CDK6: variants seen among roughly 807,000 people sequenced by gnomAD.
CDK6 encodes cyclin-dependent kinase 6.
CDK6 carries 6 observed loss-of-function variants against 37.1 expected under a neutral mutation model. The observed-to-expected ratio is 0.16, with a 90% CI of 0.09 to 0.32. The LOEUF is 0.32. Among genes scored for constraint, CDK6 ranks in the 10% least tolerant of loss-of-function variants. The pLI is 1.00. For missense variants in CDK6, 224 were observed against 418.9 expected (o/e 0.53, Z 4.06); for synonymous variants, 160 against 161.3 (o/e 0.99, Z 0.06).
At chr7:92,770,649 G>T (rs1799690230) in intron 3 of CDK6, among the ~76,000 whole-genome samples, 1 of 151,784 alleles carries the variant, frequency 6.6e-6, no homozygotes, top group African/African-American at 2.4e-5. Flanking sequence ...GATCATCATG[G>T]GCTCTTTTCT....
rs112214614 is a variant in CDK6 at position 92,727,595 on chromosome 7, G to A, written c.370-1802C>T. Among the ~76,000 whole-genome samples the A allele has an allele frequency of 4.9e-3, 748 of 152,264 alleles. 5 individuals are homozygous for A. Among genetic ancestry groups the A allele is most frequent in the African/African-American group, 0.017 (717 of 41,546 alleles). On this transcript the variant is annotated intron_variant, in intron 3 of 7. Coordinates refer to ENST00000424848, the MANE Select transcript of CDK6 (RefSeq NM_001145306.2). ...AAGATAAGTGTCCTGATTTCTGGGGGAGACTGATTCACAAACAACTAAAAG... is the reference window on the plus strand; with the variant it reads ...AAGATAAGTGTCCTGATTTCTGGGGAAGACTGATTCACAAACAACTAAAAG...
At chr7:92,754,377 CT>C (rs1230666756) in intron 3 of CDK6, among the ~76,000 whole-genome samples, 2 of 152,296 alleles carry the variant, frequency 1.3e-5, no homozygotes, top group East Asian at 3.9e-4. Context: ...AAAATGGTCT[CT>C]TTTCAGAGGA....
In CDK6 at chr7:92,615,191, C is replaced by T. The variant is rs2116476913; in HGVS notation, c.930G>A (p.Leu310=). 1.2e-6 allele frequency: 2 copies of T among 1,614,118 alleles called. No homozygotes were observed. The highest frequency in any genetic ancestry group is 1.7e-6 in the Non-Finnish European group (2 of 1,180,036). ...FQDLERCKEN[L]DSHLPPSQNT... ...TCTGGCTGGGCGGCAGGTGGGAATC[C>T]AGGTTTTCTTTGCACCTTTCCAGGT... Residue 310 remains leucine, a synonymous_variant, in exon 8 of 8, where the codon CTG becomes CTA. Coordinates refer to ENST00000424848, the MANE Select transcript of CDK6 (RefSeq NM_001145306.2).
rs745530517 is a variant in CDK6 at position 92,833,337 on chromosome 7, C to G, written c.-14G>C. The G allele has an allele frequency of 2.1e-5, 32 of 1,545,944 alleles. No individual in the cohort carries two copies. The Admixed American group carries it at 5.8e-4, about 28-fold the overall frequency. ...GTCCTTCTCCATGCCGCCTGGACGC[C>G]GCCCGCCGCGGCGCCGCTGGGGCGG... On this transcript the variant is annotated 5_prime_UTR_variant, in exon 2 of 8. Transcript: ENST00000424848. The surrounding 1 kb of genome is among the most constrained non-coding windows in gnomAD (Gnocchi z 6.1).
chr7:92,803,205 G>A (rs117898238), intron 2 of CDK6, among the ~76,000 whole-genome samples: 2 of 152,200 alleles, frequency 1.3e-5, no homozygotes, highest in East Asian at 3.9e-4. Flanking sequence ...TTGCAATATG[G>A]TTAGCAGTAT....
At chr7:92,826,604 G>C (rs1490383674) in intron 2 of CDK6, among the ~76,000 whole-genome samples, 2 of 152,002 alleles carry the variant, frequency 1.3e-5, no homozygotes, top group Non-Finnish European at 1.5e-5. Context: ...CAAATACAGA[G>C]GAAGAACATG....
At chr7:92,651,285 C>G (rs1481522911) in intron 5 of CDK6, among the ~76,000 whole-genome samples, 1 of 152,172 alleles carries the variant, frequency 6.6e-6, no homozygotes, top group African/African-American at 2.4e-5. Context: ...TTAATTACAT[C>G]CGCAAAATCC....
intron 5 of CDK6, among the ~76,000 whole-genome samples, chr7:92,666,077 C>T (rs1012009094): frequency 1.3e-5 from 2 of 152,182 alleles, no homozygotes; most frequent in Non-Finnish European, 2.9e-5. Flanking sequence ...TTTTCTTCTC[C>T]CTAGGTTATG....
At chr7:92,637,559 C>T (rs962062680) in intron 5 of CDK6, among the ~76,000 whole-genome samples, 1 of 152,044 alleles carries the variant, frequency 6.6e-6, no homozygotes, top group Admixed American at 6.5e-5. Context: ...AATAACTTTT[C>T]TTCAACATCA....
At chr7:92,801,004 T>C (rs1169677273) in intron 2 of CDK6, among the ~76,000 whole-genome samples, 2 of 152,226 alleles carry the variant, frequency 1.3e-5, no homozygotes, top group African/African-American at 2.4e-5. Context: ...TCCGAAATGA[T>C]GGATTAAAAA....
intron 3 of CDK6, among the ~76,000 whole-genome samples, chr7:92,739,899 C>T (rs1402468391): frequency 6.6e-6 from 1 of 152,166 alleles, no homozygotes; most frequent in Admixed American, 6.5e-5. Flanking sequence ...GGACTATAGG[C>T]ACATGCCACT....
intron 3 of CDK6, among the ~76,000 whole-genome samples, chr7:92,761,668 G>C (rs749690231): frequency 3.9e-5 from 6 of 152,118 alleles, no homozygotes; most frequent in Non-Finnish European, 8.8e-5. Context: ...ATTTTACTTT[G>C]AAACCTGAGA....
At chr7:92,626,114 A>G (rs180674670) in intron 5 of CDK6, among the ~76,000 whole-genome samples, 1 of 152,096 alleles carries the variant, frequency 6.6e-6, no homozygotes, top group Non-Finnish European at 1.5e-5. Context: ...TAACTGGATG[A>G]AGCAGAAAAT....
intron 3 of CDK6, among the ~76,000 whole-genome samples, chr7:92,760,003 G>C (rs367955908): frequency 1.3e-5 from 2 of 152,004 alleles, no homozygotes; most frequent in South Asian, 2.1e-4. Flanking sequence ...ATCTATTCAC[G>C]GACAATCTCC....
intron 3 of CDK6, among the ~76,000 whole-genome samples, chr7:92,751,677 T>A (rs950119025): frequency 2.2e-4 from 33 of 152,256 alleles, no homozygotes; most frequent in Admixed American, 1.7e-3. Flanking sequence ...GTGATAAGAG[T>A]ATATTCTCCT....
intron 2 of CDK6, among the ~76,000 whole-genome samples, chr7:92,806,025 G>A (rs1430717125): frequency 6.6e-6 from 1 of 152,156 alleles, no homozygotes; most frequent in East Asian, 1.9e-4. Flanking sequence ...CAATGTGAAT[G>A]TACTTAATGT....
Position 92,606,025 on chromosome 7 carries a change from A to G in CDK6, c.*9115T>C, listed in dbSNP as rs765586514. ...CCAAAACAGAGCATTCTGTAGCAATATAAGCAAACGGAATAAGAATAATTA... is the reference window on the plus strand; with the variant it reads ...CCAAAACAGAGCATTCTGTAGCAATGTAAGCAAACGGAATAAGAATAATTA... On this transcript the variant is annotated 3_prime_UTR_variant, in exon 8 of 8. Transcript: ENST00000424848. 3 of 233,614 alleles carry G rather than the reference A, an allele frequency of 1.3e-5. No individual in the cohort carries two copies. The highest frequency in any genetic ancestry group is 6.6e-5 in the African/African-American group (3 of 45,358). 14.5% of individuals were successfully genotyped at this position (233,614 alleles called of 1,614,324 possible).
rs933633199 is a variant in CDK6 at position 92,608,815 on chromosome 7, A to G, written c.*6325T>C. 4.3e-6 allele frequency: 1 copy of G among 231,728 alleles called. No individual in the cohort carries two copies. The highest frequency in any genetic ancestry group is 8.5e-6 in the Non-Finnish European group (1 of 117,132). 14.4% of individuals were successfully genotyped at this position (231,728 alleles called of 1,614,324 possible). On this transcript the variant is annotated 3_prime_UTR_variant, in exon 8 of 8. Transcript: ENST00000424848. ...GCCGCACATAATTTCAGGCACCGGC[A>G]GGTGAGTGGGAGGCGGGGCCCCAGC... is the stretch of plus-strand genomic sequence containing the variant.
chr7:92,682,352 G>A (rs996751075), intron 4 of CDK6, among the ~76,000 whole-genome samples: 4 of 152,108 alleles, frequency 2.6e-5, no homozygotes, highest in Admixed American at 1.3e-4. Flanking sequence ...GTCAGAGACC[G>A]TGAGGTTCTT....
Sources: gnomAD v4.1 joint callset for allele counts (sites outside exome capture counted in the v4.1 genomes callset) on GRCh38, gnomAD v4.1.1 for gene constraint, Gnocchi (gnomAD v3.1) non-coding constraint, MANE v1.5 for transcripts, NCBI Gene and HGNC (gene_info 2026-07-23, HGNC 2026-07-21) for gene names.